The following SLCO1C1 variants were observed in gnomAD, a reference collection of about 807,000 sequenced individuals.
SLCO1C1 encodes the protein OAT-RP-5.
In SLCO1C1, 70 loss-of-function variants were observed where a neutral mutation model predicts 76.4. That is an observed-to-expected ratio of 0.92 (90% CI 0.76 to 1.12). SLCO1C1 has a LOEUF of 1.12. Among genes scored for constraint, SLCO1C1 ranks in the 50% most tolerant of loss-of-function variants. The pLI is 0.00. For missense variants in SLCO1C1, 912 were observed against 823.8 expected, an observed-to-expected ratio of 1.11 and a Z score of -1.31; for synonymous variants, 306 against 286.1, an observed-to-expected ratio of 1.07 and a Z score of -0.70.
At chr12:20,700,037 C>T (rs1946447538) in intron 2 of SLCO1C1, 1 of 174,810 alleles carries the variant, frequency 5.7e-6, no homozygotes, top group Admixed American at 6.3e-5. Context: ...ACATTACTCC[C>T]ATTTTGCAAA....
At chr12:20,736,611 G>C (rs1040255303) in intron 10 of SLCO1C1, among the ~76,000 whole-genome samples, 1 of 152,140 alleles carries the variant, frequency 6.6e-6, no homozygotes, top group Non-Finnish European at 1.5e-5. Flanking sequence ...CACTGAAAGA[G>C]AATTAACTGA....
Position 20,701,393 on chromosome 12 carries a change from CAGAT to C in SLCO1C1, c.209_212del (p.Ile70ArgfsTer24), listed in dbSNP as rs772060990. ...AGGCTATCTGAAGAGCACCATCACT[CAGAT>C]AGAGAGAAGGTTTGATATCCCTTCT... is the stretch of plus-strand genomic sequence containing the variant. On this transcript the variant is annotated frameshift_variant, in exon 3 of 15. Transcript: ENST00000266509. LOFTEE classifies it high-confidence loss of function. The C allele has an allele frequency of 3.9e-6, 6 of 1,555,320 alleles. No individual in the cohort carries two copies. Among genetic ancestry groups the C allele is most frequent in the Non-Finnish European group, 5.3e-6 (6 of 1,137,824 alleles).
chr12:20,706,190 TCTTA>T (rs1350775822), intron 4 of SLCO1C1, 109 bp downstream of exon 4: 3 of 1,330,610 alleles, frequency 2.3e-6, no homozygotes, highest in East Asian at 5.1e-5. Flanking sequence ...GATAACTTTG[TCTTA>T]CTTTTATTAC....
intron 4 of SLCO1C1, 46 bp downstream of exon 4, chr12:20,706,127 C>A (rs1025182362): frequency 1.9e-6 from 3 of 1,544,920 alleles, no homozygotes; most frequent in Non-Finnish European, 2.6e-6. Context: ...CAAACAACTG[C>A]ATTTCTCCCT....
chr12:20,738,498 ACT>A (rs1393967521), intron 11 of SLCO1C1, among the ~76,000 whole-genome samples: 1 of 152,122 alleles, frequency 6.6e-6, no homozygotes, highest in Non-Finnish European at 1.5e-5. Flanking sequence ...TTGTTAATTT[ACT>A]CTGTTCATTG....
Position 20,752,725 on chromosome 12 carries a change from T to G in SLCO1C1, c.*197T>G, listed in dbSNP as rs923151732. 9 of 376,634 alleles carry G rather than the reference T, an allele frequency of 2.4e-5. No individual in the cohort carries two copies. The highest frequency in any genetic ancestry group is 1.9e-4 in the African/African-American group (9 of 48,204). 23.3% of individuals were successfully genotyped at this position (376,634 alleles called of 1,614,324 possible). A position where few individuals can be genotyped will look rare whatever the true frequency, so the allele number is the denominator to read the frequency against. On this transcript the variant is annotated 3_prime_UTR_variant, in exon 15 of 15. Transcript: ENST00000266509. ...TGGAAGATGCAGATGATAAAACTAA[T>G]TTTGAACTTTTTAATTTATATAAAT...
Position 20,721,904 on chromosome 12 carries a change from C to T in SLCO1C1, c.876C>T (p.Phe292=). The change falls in exon 8 of 15, where the codon TTC becomes TTT. Residue 292 remains phenylalanine, a synonymous_variant. Coordinates refer to ENST00000266509, the MANE Select transcript of SLCO1C1 (RefSeq NM_017435.5). Reference sequence around the variant, plus strand: ...TAAGTCTTCTTGCAGCTGTGCCTTTCTGGTATTTACCAAAGAGTTTACCAA... The same window carrying T: ...TAAGTCTTCTTGCAGCTGTGCCTTTTTGGTATTTACCAAAGAGTTTACCAA... ...GIISLLAAVP[F]WYLPKSLPRS... is the part of the protein sequence containing the mutation. 4 of 1,614,146 alleles carry T rather than the reference C, an allele frequency of 2.5e-6. No homozygotes were observed. The highest frequency in any genetic ancestry group is 3.4e-6 in the Non-Finnish European group (4 of 1,180,022).
chr12:20,739,817 A>AG (rs1471324969), intron 11 of SLCO1C1, among the ~76,000 whole-genome samples: 2 of 152,190 alleles, frequency 1.3e-5, no homozygotes, highest in Non-Finnish European at 2.9e-5. Flanking sequence ...AGCAGATACT[A>AG]GCTAGATAAG....
In SLCO1C1 at chr12:20,752,900, A is replaced by G. The variant is rs1949377958; in HGVS notation, c.*372A>G. 6.5e-6 allele frequency: 1 copy of G among 154,204 alleles called. No homozygotes were observed. Among genetic ancestry groups the G allele is most frequent in the Non-Finnish European group, 1.4e-5 (1 of 69,462 alleles). The allele number at this position is 154,204 out of a possible 1,614,324, so 9.6% of individuals were successfully genotyped here. On this transcript the variant is annotated 3_prime_UTR_variant, in exon 15 of 15. Coordinates refer to ENST00000266509, the MANE Select transcript of SLCO1C1 (RefSeq NM_017435.5). ...ACTGTGTAATGTGTCTAGAGTAAGC[A>G]AATACTGCTAACAATTAACTCATAC...
chr12:20,722,873 A>G (rs556289835), intron 8 of SLCO1C1, among the ~76,000 whole-genome samples: 1 of 152,322 alleles, frequency 6.6e-6, no homozygotes, highest in South Asian at 2.1e-4. Flanking sequence ...ATGTCTGTAG[A>G]AATGAGTGCC....
chr12:20,743,181 G>A (rs946228411), intron 12 of SLCO1C1, 124 bp from the exon 13 acceptor site: 7 of 875,674 alleles, frequency 8.0e-6, no homozygotes, highest in African/African-American at 1.7e-5. Context: ...ACACCAATGG[G>A]TTCAACATAA....
intron 5 of SLCO1C1, 98 bp downstream of exon 5, chr12:20,711,608 A>C: frequency 7.7e-7 from 1 of 1,300,748 alleles, no homozygotes; most frequent in Non-Finnish European, 1.1e-6. Flanking sequence ...TTTGCTCCCA[A>C]AAGCTTTACT....
chr12:20,748,501 C>T (rs1231790003), intron 13 of SLCO1C1, among the ~76,000 whole-genome samples: 1 of 152,166 alleles, frequency 6.6e-6, no homozygotes, highest in Non-Finnish European at 1.5e-5. Flanking sequence ...ACCATTCTCA[C>T]ACTTCAGAAA....
At chr12:20,719,172 T>A (rs1947530474) in intron 7 of SLCO1C1, among the ~76,000 whole-genome samples, 1 of 151,602 alleles carries the variant, frequency 6.6e-6, no homozygotes, top group Admixed American at 6.6e-5. Context: ...TGATATTTGA[T>A]GTTAGTATTG....
chr12:20,704,425 T>C (rs922117050), intron 3 of SLCO1C1, among the ~76,000 whole-genome samples: 5 of 151,770 alleles, frequency 3.3e-5, no homozygotes, highest in African/African-American at 1.2e-4. Context: ...TTTATGTTGG[T>C]TCGTTTATTG....
At chr12:20,700,959 G>T (rs915116717) in intron 2 of SLCO1C1, among the ~76,000 whole-genome samples, 15 of 151,982 alleles carry the variant, frequency 9.9e-5, no homozygotes, top group Non-Finnish European at 1.8e-4. Context: ...TTTGGCTTAT[G>T]GTTTCATTTA....
At chr12:20,730,630 G>A (rs1948223143) in intron 9 of SLCO1C1, among the ~76,000 whole-genome samples, 2 of 152,074 alleles carry the variant, frequency 1.3e-5, no homozygotes, top group South Asian at 2.1e-4. Flanking sequence ...CAGTTCAGCT[G>A]GAAAAGCAAA....
chr12:20,726,366 T>C (rs1477347116), intron 9 of SLCO1C1, among the ~76,000 whole-genome samples: 9 of 151,948 alleles, frequency 5.9e-5, no homozygotes, highest in Admixed American at 4.6e-4. Flanking sequence ...TGACATACCA[T>C]GGAGGGGTAA....
In SLCO1C1 at chr12:20,711,458, C is replaced by A; in HGVS notation, c.477C>A (p.Ser159Arg). The A allele has an allele frequency of 6.2e-7, 1 of 1,613,910 alleles. No homozygotes were observed. Among genetic ancestry groups the A allele is most frequent in the Non-Finnish European group, 8.5e-7 (1 of 1,179,910 alleles). Residue 159 changes from serine (S) to arginine (R), a missense_variant, in exon 5 of 15, where the codon AGC becomes AGA. Ser to Arg is a moderately radical substitution (Grantham distance 110). Transcript: ENST00000266509. ...TCTCTCCGTGTCTCCTAGAGTCAAG[C>A]AGTCAATTACCAGTTTCAGTTATGG... The part of the protein sequence containing the change: ...LSISPCLLES[S>R]SQLPVSVMEK...
Sources: gnomAD v4.1 joint callset for allele counts (sites outside exome capture counted in the v4.1 genomes callset) on GRCh38, gnomAD v4.1.1 for gene constraint, MANE v1.5 for transcripts, NCBI Gene and HGNC (gene_info 2026-07-23, HGNC 2026-07-21) for gene names.